The following TMEM71 variants were observed in gnomAD, a reference collection of about 807,000 sequenced individuals.
TMEM71 encodes transmembrane protein 71.
TMEM71 carries 44 observed loss-of-function variants against 38.0 expected under a neutral mutation model. That is an observed-to-expected ratio of 1.16 (90% confidence interval 0.91 to 1.49). The LOEUF is 1.49. TMEM71 is among the 40% of genes most tolerant of loss of function. The pLI, the probability that TMEM71 is intolerant of heterozygous loss-of-function variation, is 0.00. For missense variants in TMEM71, 367 were observed against 348.6 expected, an observed-to-expected ratio of 1.05 and a Z score of -0.42; for synonymous variants, 133 against 122.5, an observed-to-expected ratio of 1.09 and a Z score of -0.56.
chr8:132,744,110 A>G (rs1828203468), intron 5 of TMEM71, among the ~76,000 whole-genome samples: 1 of 152,184 alleles, frequency 6.6e-6, no homozygotes, highest in Non-Finnish European at 1.5e-5. Flanking sequence ...CTGCTCCAGT[A>G]AACCATAAGG....
At chr8:132,751,003 C>A (rs1354240719) in intron 4 of TMEM71, among the ~76,000 whole-genome samples, 1 of 152,092 alleles carries the variant, frequency 6.6e-6, no homozygotes, top group East Asian at 1.9e-4. Flanking sequence ...TTCATTTTTC[C>A]CATTGTACTC....
chr8:132,768,314 G>A, the TMEM71 span, among the ~76,000 whole-genome samples: 2 of 151,940 alleles, frequency 1.3e-5, no homozygotes, highest in African/African-American at 2.4e-5. Context: ...AATTTCCTTT[G>A]GTCACAAATA....
chr8:132,758,986 T>A (rs1394224929), intron 1 of TMEM71, 71 bp from the exon 2 acceptor site: 2 of 895,776 alleles, frequency 2.2e-6, no homozygotes, highest in Non-Finnish European at 3.7e-6. Context: ...ACAGATGGCA[T>A]CTACTAATTG....
At position 132,753,058 on chromosome 8, in the gene TMEM71, T is replaced by C. The variant is rs184984519; in HGVS notation, c.102-1061A>G. Among the ~76,000 whole-genome samples, 472 of 152,140 alleles carry C rather than the reference T, an allele frequency of 3.1e-3. 10 individuals are homozygous for C. The highest frequency in any genetic ancestry group is 0.01 in the African/African-American group (431 of 41,422). On this transcript the variant is annotated intron_variant, in intron 3 of 9. Coordinates refer to ENST00000677595, the MANE Select transcript of TMEM71 (RefSeq NM_001382403.1). Reference sequence around the variant, plus strand: ...TTTCTTCAAAACTGCTTGGTTTTTTTCCCTCTTTTCTCCCTTAAAAATTAT... The same window carrying C: ...TTTCTTCAAAACTGCTTGGTTTTTTCCCCTCTTTTCTCCCTTAAAAATTAT...
chr8:132,745,642 C>T (rs182196630), intron 5 of TMEM71, among the ~76,000 whole-genome samples: 64 of 152,164 alleles, frequency 4.2e-4, no homozygotes, highest in Non-Finnish European at 6.0e-4. Flanking sequence ...CTTAGAACCA[C>T]GATTTCATCC....
upstream of TMEM71, among the ~76,000 whole-genome samples, chr8:132,761,311 A>G (rs1238567111): frequency 2.0e-5 from 3 of 152,168 alleles, no homozygotes; most frequent in East Asian, 5.8e-4. Flanking sequence ...TTTGTGACTT[A>G]CCCCTCTGAG....
At chr8:132,751,326 C>T (rs946648613) in intron 4 of TMEM71, among the ~76,000 whole-genome samples, 7 of 152,162 alleles carry the variant, frequency 4.6e-5, no homozygotes, top group Admixed American at 2.0e-4. Flanking sequence ...GTTCTCTTTC[C>T]TACTTTTATT....
intron 7 of TMEM71, among the ~76,000 whole-genome samples, chr8:132,715,167 G>C (rs1252601386): frequency 6.6e-6 from 1 of 151,948 alleles, no homozygotes; most frequent in Non-Finnish European, 1.5e-5. Context: ...AGCACTTTGG[G>C]AGGCCGAGGC....
intron 5 of TMEM71, among the ~76,000 whole-genome samples, chr8:132,746,476 CAT>C (rs1462947732): frequency 2.1e-4 from 3 of 14,510 alleles, no homozygotes; most frequent in Non-Finnish European, 2.6e-4. Flanking sequence ...TATATATATA[CAT>C]ATATATATAC....
chr8:132,764,322 C>A (rs867780368), upstream of TMEM71, among the ~76,000 whole-genome samples: 1 of 146,552 alleles, frequency 6.8e-6, no homozygotes, highest in Non-Finnish European at 1.5e-5. Context: ...GTGTATTGCA[C>A]TTGTTGCCTG....
intron 5 of TMEM71, among the ~76,000 whole-genome samples, chr8:132,728,421 T>C (rs1827272701): frequency 1.3e-5 from 2 of 152,116 alleles, no homozygotes; most frequent in African/African-American, 4.8e-5. Flanking sequence ...GAGAACAGCA[T>C]GAGAAAGACC....
chr8:132,711,004 A>C, intron 9 of TMEM71, 22 bp from the exon 10 acceptor site: 1 of 1,605,612 alleles, frequency 6.2e-7, no homozygotes. Context: ...AAATAAGAAA[A>C]GAAATGCATA....
At chr8:132,746,374 T>C (rs1828349736) in intron 5 of TMEM71, among the ~76,000 whole-genome samples, 1 of 19,124 alleles carries the variant, frequency 5.2e-5, no homozygotes, top group South Asian at 3.2e-3. Flanking sequence ...CACATATATA[T>C]ACATATATAT....
chr8:132,761,843 T>C (rs1314119947), upstream of TMEM71, among the ~76,000 whole-genome samples: 2 of 151,954 alleles, frequency 1.3e-5, no homozygotes, highest in East Asian at 1.9e-4. Context: ...GAATCAAGAG[T>C]GGTCTCAAAA....
At chr8:132,748,869 A>G (rs546089235) in intron 4 of TMEM71, among the ~76,000 whole-genome samples, 2 of 152,172 alleles carry the variant, frequency 1.3e-5, no homozygotes, top group Non-Finnish European at 2.9e-5. Context: ...CTGGAATCCT[A>G]TTTCCACCTA....
intron 4 of TMEM71, among the ~76,000 whole-genome samples, chr8:132,750,753 C>T (rs576441531): frequency 8.0e-4 from 122 of 152,274 alleles, no homozygotes; most frequent in African/African-American, 2.7e-3. Flanking sequence ...TGAACTCATC[C>T]ATCTTCTTTC....
intron 7 of TMEM71, among the ~76,000 whole-genome samples, chr8:132,718,485 C>T (rs1448470465): frequency 6.6e-6 from 1 of 150,604 alleles, no homozygotes. Flanking sequence ...GCAAGATCCA[C>T]CTCCCGGGTT....
chr8:132,751,859 G>T lies in TMEM71; in HGVS notation c.240C>A (p.Phe80Leu), dbSNP rs1403552244. Residue 80 changes from phenylalanine (F) to leucine (L), a missense_variant, in exon 4 of 10, where the codon TTC becomes TTA. Transcript: ENST00000677595. ...TTATGTTGCCATCTTTGTCGCACAGGAAGCTGTCTTCAGTCCAAATATAGT... is the reference window on the plus strand; with the variant it reads ...TTATGTTGCCATCTTTGTCGCACAGTAAGCTGTCTTCAGTCCAAATATAGT... Reference protein sequence around the residue: ...NGYYIWTEDSFLCDKDGNITL... With the variant: ...NGYYIWTEDSLLCDKDGNITL... The T allele has an allele frequency of 6.2e-7, 1 of 1,614,006 alleles. No individual in the cohort carries two copies. The highest frequency in any genetic ancestry group is 1.1e-5 in the South Asian group (1 of 91,078).
In TMEM71 at chr8:132,714,289, C is replaced by T. The variant is rs377124183; in HGVS notation, c.753-74G>A. 92 of 1,121,630 alleles carry T rather than the reference C, an allele frequency of 8.2e-5. 1 individual carries two copies. In the South Asian group the frequency reaches 1.1e-3, roughly 14 times the overall value. The allele number at this position is 1,121,630 out of a possible 1,614,324, so 69.5% of individuals were successfully genotyped here. A position where few individuals can be genotyped will look rare whatever the true frequency, so the allele number is the denominator to read the frequency against. On this transcript the variant is annotated intron_variant, in intron 7 of 9. Transcript: ENST00000677595. ...AACCTGTGTGATTTTTTTAGACTTA[C>T]TATAGAATTATGATTTCAAGGTTTA...
Sources: gnomAD v4.1 joint callset for allele counts (sites outside exome capture counted in the v4.1 genomes callset) on GRCh38, gnomAD v4.1.1 for gene constraint, MANE v1.5 for transcripts, NCBI Gene and HGNC (gene_info 2026-07-23, HGNC 2026-07-21) for gene names.